Variants in LRP5 observed in about 807,000 individuals in gnomAD.
LRP5 encodes LDL receptor related protein 5, also known as low-density lipoprotein receptor-related protein 5.
A neutral mutation model predicts 154.1 loss-of-function variants in LRP5; 62 were observed. That is an observed-to-expected ratio of 0.40 (90% CI 0.33 to 0.50). The LOEUF (loss-of-function observed/expected upper bound fraction) is 0.50, where lower values mean the gene tolerates loss of function less well. LRP5 is among the 20% of genes least tolerant of loss of function. The pLI, the probability that LRP5 is intolerant of heterozygous loss-of-function variation, is 0.55. For synonymous variants in LRP5, 966 were observed against 1,011.5 expected (o/e 0.96, Z 0.85); for missense variants, 1,915 against 2,336.7 (o/e 0.82, Z 3.72).
At chr11:68,378,036 G>C (rs78048458) in intron 5 of LRP5, among the ~76,000 whole-genome samples, 4 of 152,156 alleles carry the variant, frequency 2.6e-5, no homozygotes, top group Non-Finnish European at 5.9e-5. Flanking sequence ...CACTTGGTTC[G>C]GTGCAGGGAG....
intron 1 of LRP5, among the ~76,000 whole-genome samples, chr11:68,344,855 T>C (rs2098611528): frequency 9.3e-6 from 1 of 107,330 alleles, no homozygotes; most frequent in South Asian, 3.3e-4. Flanking sequence ...CTCTCTTTTT[T>C]TTTTTTTTTT....
At chr11:68,446,067 G>A (rs1225785000) in intron 21 of LRP5, among the ~76,000 whole-genome samples, 2 of 152,228 alleles carry the variant, frequency 1.3e-5, no homozygotes, top group Non-Finnish European at 2.9e-5. Flanking sequence ...GCTAACTGGT[G>A]TGGAGGACAC....
At chr11:68,337,634 T>C (rs2098606411) in intron 1 of LRP5, among the ~76,000 whole-genome samples, 2 of 150,962 alleles carry the variant, frequency 1.3e-5, no homozygotes, top group African/African-American at 4.9e-5. Context: ...CAGATCTTCC[T>C]CTGTCTAGGA....
chr11:68,332,419 C>T (rs914335250), intron 1 of LRP5, among the ~76,000 whole-genome samples: 23 of 152,190 alleles, frequency 1.5e-4, no homozygotes, highest in Non-Finnish European at 2.9e-4. Flanking sequence ...TGCTCTGCAC[C>T]GGGCCCTGCT....
intron 7 of LRP5, among the ~76,000 whole-genome samples, chr11:68,395,947 T>C (rs2098649088): frequency 6.6e-6 from 1 of 152,144 alleles, no homozygotes; most frequent in African/African-American, 2.4e-5. Context: ...CTCCTGGCAC[T>C]TTGTTCAGGG....
chr11:68,308,537 G>A (rs1330058007), upstream of LRP5, among the ~76,000 whole-genome samples: 3 of 152,174 alleles, frequency 2.0e-5, no homozygotes, highest in African/African-American at 7.2e-5. Flanking sequence ...CTGGGGAAGT[G>A]GAAGCTCAGC....
intron 5 of LRP5, among the ~76,000 whole-genome samples, chr11:68,376,061 A>C (rs1473004249): frequency 1.3e-5 from 2 of 151,744 alleles, no homozygotes. Context: ...GGGGTGGGTG[A>C]CAAAAGTAAC....
chr11:68,396,893 G>A (rs933675734), intron 7 of LRP5, among the ~76,000 whole-genome samples: 23 of 152,298 alleles, frequency 1.5e-4, no homozygotes, highest in South Asian at 8.3e-4. Context: ...GCCCCACCAC[G>A]TGTGAAGCCC....
chr11:68,384,275 T>C (rs2098641805), intron 5 of LRP5, among the ~76,000 whole-genome samples: 1 of 152,164 alleles, frequency 6.6e-6, no homozygotes, highest in South Asian at 2.1e-4. Context: ...GACCATCTGT[T>C]GTTTGAAGGC....
chr11:68,357,002 T>C (rs2098623675), intron 2 of LRP5, among the ~76,000 whole-genome samples: 1 of 151,768 alleles, frequency 6.6e-6, no homozygotes, highest in Non-Finnish European at 1.5e-5. Context: ...ATGGTGCGAT[T>C]TCTGCTCACT....
At chr11:68,421,735 GGTGT>G (rs145446201) in intron 13 of LRP5, among the ~76,000 whole-genome samples, 1 of 146,968 alleles carries the variant, frequency 6.8e-6, no homozygotes, top group Admixed American at 6.8e-5. Flanking sequence ...GTGTGTGTGT[GGTGT>G]GTGTGTGTGT....
intron 7 of LRP5, among the ~76,000 whole-genome samples, chr11:68,391,204 C>A (rs1372807990): frequency 6.6e-6 from 1 of 152,202 alleles, no homozygotes; most frequent in East Asian, 1.9e-4. Context: ...CCTGGTCTCA[C>A]ATGATCCACC....
chr11:68,385,281 G>A (rs2098642363), intron 5 of LRP5, among the ~76,000 whole-genome samples: 2 of 152,130 alleles, frequency 1.3e-5, no homozygotes, highest in Non-Finnish European at 2.9e-5. Flanking sequence ...TGCCGTGGAG[G>A]GGCGTGACCT....
At chr11:68,401,029 T>C (rs1344853791) in intron 7 of LRP5, among the ~76,000 whole-genome samples, 3 of 152,238 alleles carry the variant, frequency 2.0e-5, no homozygotes, top group African/African-American at 4.8e-5. Context: ...AGCCCTGTTA[T>C]TGTGAGTGGA....
chr11:68,426,594 A>G (rs1000932679), intron 16 of LRP5, among the ~76,000 whole-genome samples: 1 of 150,514 alleles, frequency 6.6e-6, no homozygotes, highest in African/African-American at 2.4e-5. Flanking sequence ...CACCTGGCTA[A>G]TTTTTTTTTG....
At chr11:68,412,079 G>A (rs1224588964) in intron 11 of LRP5, among the ~76,000 whole-genome samples, 2 of 152,188 alleles carry the variant, frequency 1.3e-5, no homozygotes, top group Admixed American at 6.5e-5. Flanking sequence ...TGTGCTGGGA[G>A]TGTCCACACG....
At chr11:68,372,496 C>T (rs1382219293) in intron 5 of LRP5, among the ~76,000 whole-genome samples, 3 of 151,966 alleles carry the variant, frequency 2.0e-5, no homozygotes, top group Non-Finnish European at 2.9e-5. Context: ...TCAGGCAGAC[C>T]GGGGACTTGG....
chr11:68,429,523 C>T, intron 16 of LRP5, 52 bp from the exon 17 acceptor site: 3 of 1,612,422 alleles, frequency 1.9e-6, no homozygotes, highest in Non-Finnish European at 2.5e-6. Flanking sequence ...GGCTGTGGTT[C>T]TGAGGTGGGA....
At chr11:68,428,207 C>T (rs1257854935) in intron 16 of LRP5, among the ~76,000 whole-genome samples, 1 of 151,968 alleles carries the variant, frequency 6.6e-6, no homozygotes, top group African/African-American at 2.4e-5. Flanking sequence ...TTTGCCCAGG[C>T]TGGTCTTCAA....
Sources: gnomAD v4.1 joint callset for allele counts (sites outside exome capture counted in the v4.1 genomes callset) on GRCh38, gnomAD v4.1.1 for gene constraint, MANE v1.5 for transcripts, NCBI Gene and HGNC (gene_info 2026-07-23, HGNC 2026-07-21) for gene names.